Variants in ATF2 observed in about 807,000 individuals in gnomAD.
ATF2 encodes activating transcription factor 2.
A neutral mutation model predicts 60.6 loss-of-function variants in ATF2; 24 were observed. The ratio of observed to expected loss-of-function variants is 0.40; its 90% CI spans 0.29 to 0.56. ATF2 has a LOEUF of 0.56. ATF2 is among the 20% of genes least tolerant of loss of function. The probability of loss-of-function intolerance (pLI) is 0.54; values close to 1 mark genes in which losing one functional copy is unlikely to be tolerated. For synonymous variants in ATF2, 206 were observed against 215.4 expected (o/e 0.96, Z 0.38); for missense variants, 433 against 607.7 (o/e 0.71, Z 3.02).
intron 2 of ATF2, 37 bp from the exon 3 acceptor site, chr2:175,136,523 T>A: frequency 1.5e-6 from 2 of 1,292,180 alleles, no homozygotes; most frequent in Non-Finnish European, 2.2e-6. Context: ...TTAAAAATAG[T>A]TCTGAAACAC....
chr2:175,137,299 G>C (rs572912422), intron 2 of ATF2, among the ~76,000 whole-genome samples: 1 of 152,104 alleles, frequency 6.6e-6, no homozygotes, highest in Non-Finnish European at 1.5e-5. Flanking sequence ...ATTTTTATCT[G>C]AGAGGGTTCC....
intron 10 of ATF2, among the ~76,000 whole-genome samples, chr2:175,104,420 C>A (rs1230138877): frequency 6.6e-6 from 1 of 151,754 alleles, no homozygotes; most frequent in Non-Finnish European, 1.5e-5. Flanking sequence ...TAAAATCCAA[C>A]AAAAGCAGTA....
rs960716018 is a variant in ATF2 at position 175,163,932 on chromosome 2, AG to A, written c.-143+4117del. The stretch of plus-strand genomic sequence containing the variant: ...CAACTCCGTCTCAAAAAAAAAAAAA[AG>A]AAAAGTGAAAATGAATACACTAGTT... On this transcript the variant is annotated intron_variant, in intron 1 of 13. Coordinates refer to ENST00000264110, the MANE Select transcript of ATF2 (RefSeq NM_001880.4). Among the ~76,000 whole-genome samples the A allele has an allele frequency of 4.1e-5, 6 of 148,012 alleles. 1 individual carries two copies. The highest frequency in any genetic ancestry group is 6.0e-5 in the Non-Finnish European group (4 of 67,046).
rs576890556 is a variant in ATF2, at chr2:175,114,124, G to C, written c.627-16C>G. On this transcript the variant is annotated splice_polypyrimidine_tract_variant and intron_variant, in intron 8 of 13. Transcript: ENST00000264110. ...TGGTACAGGGCTAAGAAAAACAAAA[G>C]AAGAGAAATTTTAAAAAAGAGATTC... The C allele has an allele frequency of 6.4e-7, 1 of 1,557,868 alleles. No homozygotes were observed. Among genetic ancestry groups the C allele is most frequent in the South Asian group, 1.2e-5 (1 of 83,052 alleles).
At chr2:175,075,177 A>C in intron 13 of ATF2, 2 of 824,212 alleles carry the variant, frequency 2.4e-6, no homozygotes, top group Non-Finnish European at 3.2e-6. Context: ...CATTTAACAA[A>C]CTCAGTCTGG....
intron 13 of ATF2, 137 bp downstream of exon 13, chr2:175,080,523 A>T (rs212345): frequency 0.088 from 57,638 of 656,934 alleles, 2,885 homozygotes; most frequent in Middle Eastern, 0.19. Flanking sequence ...TGCATTCTAT[A>T]ATAACCTTAC....
At chr2:175,126,359 A>G (rs1408368787) in intron 4 of ATF2, among the ~76,000 whole-genome samples, 1 of 152,198 alleles carries the variant, frequency 6.6e-6, no homozygotes, top group East Asian at 1.9e-4. Flanking sequence ...ATACAGAAGT[A>G]AAACTAAGCA....
At chr2:175,091,454 G>A (rs1165808682) in intron 12 of ATF2, among the ~76,000 whole-genome samples, 2 of 151,898 alleles carry the variant, frequency 1.3e-5, no homozygotes, top group Admixed American at 6.6e-5. Context: ...TAACAGACTT[G>A]ATATAAAATA....
chr2:175,167,433 G>A (rs983452675), intron 1 of ATF2, among the ~76,000 whole-genome samples: 1 of 151,994 alleles, frequency 6.6e-6, no homozygotes, highest in Non-Finnish European at 1.5e-5. Context: ...CGGAAAGGAC[G>A]GAAAAGGCCG....
intron 9 of ATF2, 21 bp downstream of exon 9, chr2:175,113,973 T>G: frequency 1.3e-6 from 2 of 1,576,768 alleles, no homozygotes; most frequent in Non-Finnish European, 1.7e-6. Flanking sequence ...GATAGAGATT[T>G]AAATAGTCTA....
rs1330624326 is a variant in ATF2 at position 175,114,019 on chromosome 2, T to C, written c.716A>G (p.Asn239Ser). 3 of 1,611,802 alleles carry C rather than the reference T, an allele frequency of 1.9e-6. No individual in the cohort carries two copies. Among genetic ancestry groups the C allele is most frequent in the South Asian group, 1.1e-5 (1 of 90,772 alleles). ...TGGGACTGCAGCTGGAACATGCACA[T>C]TAGAACTTGTAATTGATGCAGGAAT... ...VAIPASITSS[N>S]VHVPAAVPLV... The change falls in exon 9 of 14, where the codon AAT (asparagine) becomes AGT (serine). Residue 239 changes from asparagine (N) to serine (S), a missense_variant. Physicochemically the swap from Asn to Ser is conservative, Grantham distance 46 (BLOSUM62 1). Coordinates refer to ENST00000264110, the MANE Select transcript of ATF2 (RefSeq NM_001880.4).
intron 12 of ATF2, among the ~76,000 whole-genome samples, chr2:175,081,127 G>T (rs887549138): frequency 3.9e-5 from 6 of 152,012 alleles, no homozygotes; most frequent in African/African-American, 1.4e-4. Context: ...GAGTCAGGAT[G>T]AATTTTCACT....
intron 4 of ATF2, among the ~76,000 whole-genome samples, chr2:175,127,680 A>G (rs761304090): frequency 2.0e-5 from 3 of 152,158 alleles, no homozygotes; most frequent in Non-Finnish European, 4.4e-5. Context: ...CACCATACAC[A>G]TTCCCTCCCT....
At chr2:175,107,931 C>T (rs1695806882) in intron 10 of ATF2, among the ~76,000 whole-genome samples, 1 of 152,198 alleles carries the variant, frequency 6.6e-6, no homozygotes, top group South Asian at 2.1e-4. Flanking sequence ...CTCCACCTCC[C>T]AGCCGCCTGC....
intron 4 of ATF2, among the ~76,000 whole-genome samples, chr2:175,124,782 A>G (rs1036390367): frequency 1.3e-5 from 2 of 152,026 alleles, no homozygotes; most frequent in Admixed American, 1.3e-4. Context: ...ACATTCTACC[A>G]AAGAAACATT....
intron 12 of ATF2, among the ~76,000 whole-genome samples, chr2:175,091,824 C>T (rs1342784008): frequency 6.6e-6 from 1 of 152,178 alleles, no homozygotes; most frequent in Non-Finnish European, 1.5e-5. Context: ...GATTGCACCA[C>T]TGTACTTCAG....
At chr2:175,160,421 C>T (rs1479106451) in intron 1 of ATF2, among the ~76,000 whole-genome samples, 2 of 152,068 alleles carry the variant, frequency 1.3e-5, no homozygotes, top group Non-Finnish European at 2.9e-5. Context: ...ATGTACTATG[C>T]CCATTAAAAC....
intron 10 of ATF2, 151 bp downstream of exon 10, chr2:175,111,417 T>G: frequency 1.9e-6 from 1 of 515,646 alleles, no homozygotes; most frequent in Non-Finnish European, 3.2e-6. Context: ...GAAGATTTCT[T>G]TTTTCAAATT....
rs994076472 is a variant in ATF2, at chr2:175,154,240, T to A, written c.-142-3082A>T. 1.3e-4 allele frequency among the ~76,000 whole-genome samples: 19 copies of A among 146,698 alleles called. 1 individual carries two copies. The highest frequency in any genetic ancestry group is 4.5e-4 in the African/African-American group (18 of 39,848). On this transcript the variant is annotated intron_variant, in intron 1 of 13. Coordinates refer to ENST00000264110, the MANE Select transcript of ATF2 (RefSeq NM_001880.4). ...AAAAAGAAAAGAAAAAAAAAATATA[T>A]ATATATATATATTTTTTACTTTAAA...
Sources: gnomAD v4.1 joint callset for allele counts (sites outside exome capture counted in the v4.1 genomes callset) on GRCh38, gnomAD v4.1.1 for gene constraint, MANE v1.5 for transcripts, NCBI Gene and HGNC (gene_info 2026-07-23, HGNC 2026-07-21) for gene names.